Variants in TBC1D31 observed in about 807,000 individuals in gnomAD.
TBC1D31 encodes the protein WD repeat domain 67.
TBC1D31 carries 99 observed loss-of-function variants against 132.9 expected under a neutral mutation model. The ratio of observed to expected loss-of-function variants is 0.74; its 90% CI spans 0.63 to 0.88. The LOEUF (loss-of-function observed/expected upper bound fraction) is 0.88. Ranked by LOEUF, TBC1D31 falls within the 40% of genes least tolerant of loss-of-function variation. TBC1D31 has a pLI of 0.00. For synonymous variants in TBC1D31, 385 were observed against 419.4 expected (o/e 0.92, Z 1.00); for missense variants, 1,134 against 1,256.6 (o/e 0.90, Z 1.48).
intron 1 of TBC1D31, among the ~76,000 whole-genome samples, chr8:123,075,554 T>C (rs1814419195): frequency 6.6e-6 from 1 of 151,980 alleles, no homozygotes; most frequent in South Asian, 2.1e-4. Flanking sequence ...ATACAAAAAA[T>C]TAGCTGGGCA....
At chr8:123,118,879 A>G (rs1484802994) in intron 10 of TBC1D31, among the ~76,000 whole-genome samples, 1 of 152,086 alleles carries the variant, frequency 6.6e-6, no homozygotes, top group Non-Finnish European at 1.5e-5. Flanking sequence ...GTGTGCCACC[A>G]CACCTGGCTA....
At chr8:123,136,178 T>G (rs1821073877) in intron 17 of TBC1D31, among the ~76,000 whole-genome samples, 1 of 152,198 alleles carries the variant, frequency 6.6e-6, no homozygotes, top group Non-Finnish European at 1.5e-5. Flanking sequence ...TATATAAACC[T>G]TATTCAGATT....
chr8:123,121,721 C>A (rs766290240), intron 11 of TBC1D31, among the ~76,000 whole-genome samples: 3 of 152,134 alleles, frequency 2.0e-5, no homozygotes, highest in Non-Finnish European at 2.9e-5. Flanking sequence ...TCAATTCAAC[C>A]CTTTTCTTTA....
rs2130400327 is a variant in TBC1D31, at chr8:123,102,354, C to CCGTGG, written c.1032+1348_1032+1349insGTGGC. The CCGTGG allele has an allele frequency of 2.0e-4, 80 of 393,516 alleles. 1 individual carries two copies. Among genetic ancestry groups the CCGTGG allele is most frequent in the Admixed American group, 7.3e-4 (22 of 30,218 alleles). 24.4% of individuals were successfully genotyped at this position (393,516 alleles called of 1,614,324 possible). ...TTGGGTGCATTTGGAGTGGCGTTTG[C>CCGTGG]CACCTTTTTTTATTCTAAAAAAAAG... On this transcript the variant is annotated intron_variant, in intron 7 of 21. Coordinates refer to ENST00000287380, the MANE Select transcript of TBC1D31 (RefSeq NM_145647.4).
chr8:123,108,437 A>G (rs1475487604), intron 8 of TBC1D31, among the ~76,000 whole-genome samples: 1 of 152,144 alleles, frequency 6.6e-6, no homozygotes, highest in Non-Finnish European at 1.5e-5. Context: ...GAACTCCCAC[A>G]TGTTTTTCTG....
chr8:123,142,458 TA>T lies in TBC1D31; in HGVS notation c.2835+8del. The T allele has an allele frequency of 1.3e-6, 2 of 1,537,028 alleles. No individual in the cohort carries two copies. The highest frequency in any genetic ancestry group is 2.2e-5 in the Admixed American group (1 of 44,804). On this transcript the variant is annotated splice_donor_region_variant and intron_variant, in intron 19 of 21. Coordinates refer to ENST00000287380, the MANE Select transcript of TBC1D31 (RefSeq NM_145647.4). ...ATGGTGGAGGAGGAAGCCAAGAAGG[TA>T]AAAAATAGTGTTATAAACTTTTTAA... is the stretch of plus-strand genomic sequence containing the variant.
chr8:123,126,702 T>G lies in TBC1D31; in HGVS notation c.1884+15T>G, dbSNP rs1781034920. 6.3e-7 allele frequency: 1 copy of G among 1,580,514 alleles called. No homozygotes were observed. Among genetic ancestry groups the G allele is most frequent in the Admixed American group, 1.9e-5 (1 of 52,972 alleles). On this transcript the variant is annotated intron_variant, in intron 13 of 21. Transcript: ENST00000287380. The stretch of plus-strand genomic sequence containing the variant: ...ATGACTTTGAGGTAACGGTCCTTGT[T>G]CTTAAGAGAAGGTTCTCAAATATCA...
chr8:123,087,725 C>T (rs1206802416), intron 4 of TBC1D31, among the ~76,000 whole-genome samples: 1 of 152,138 alleles, frequency 6.6e-6, no homozygotes, highest in African/African-American at 2.4e-5. Context: ...CAACGCAAAC[C>T]TTGCTTGGAC....
intron 19 of TBC1D31, among the ~76,000 whole-genome samples, chr8:123,144,099 T>G (rs1396429030): frequency 6.6e-6 from 1 of 152,240 alleles, no homozygotes; most frequent in Non-Finnish European, 1.5e-5. Flanking sequence ...TTTAATGCAT[T>G]ATTATTTCTA....
At chr8:123,110,048 C>T (rs541159893) in intron 10 of TBC1D31, among the ~76,000 whole-genome samples, 3 of 152,106 alleles carry the variant, frequency 2.0e-5, no homozygotes, top group Admixed American at 6.6e-5. Flanking sequence ...GAGCTGAGAT[C>T]ACGCCATTTT....
At chr8:123,090,419 C>T (rs1184090532) in intron 4 of TBC1D31, among the ~76,000 whole-genome samples, 1 of 152,094 alleles carries the variant, frequency 6.6e-6, no homozygotes, top group African/African-American at 2.4e-5. Flanking sequence ...GTAAGATATT[C>T]AGCTCATTAG....
intron 3 of TBC1D31, 129 bp from the exon 4 acceptor site, chr8:123,084,033 A>T (rs1040406636): frequency 5.5e-6 from 4 of 726,242 alleles, no homozygotes; most frequent in Non-Finnish European, 9.1e-6. Context: ...ATTTTTGTGG[A>T]TATTAATGGA....
At chr8:123,160,795 C>T in the TBC1D31 span, among the ~76,000 whole-genome samples, 1 of 152,172 alleles carries the variant, frequency 6.6e-6, no homozygotes, top group Non-Finnish European at 1.5e-5. Context: ...GGGGGCGGTG[C>T]AGATATTTCG....
downstream of TBC1D31, among the ~76,000 whole-genome samples, chr8:123,154,051 C>A (rs1822929026): frequency 1.3e-5 from 2 of 152,182 alleles, no homozygotes; most frequent in South Asian, 4.1e-4. Flanking sequence ...TATGAATTCT[C>A]CCAGGTTGAG....
intron 5 of TBC1D31, among the ~76,000 whole-genome samples, chr8:123,094,098 T>A (rs1816617837): frequency 6.6e-6 from 1 of 151,998 alleles, no homozygotes; most frequent in Non-Finnish European, 1.5e-5. Context: ...GGAGTCTCAC[T>A]CTGTCACCCA....
intron 20 of TBC1D31, among the ~76,000 whole-genome samples, chr8:123,147,950 AC>A (rs1345899665): frequency 1.3e-5 from 2 of 151,220 alleles, no homozygotes; most frequent in Non-Finnish European, 3.0e-5. Flanking sequence ...ATATGGTGAA[AC>A]CCCCGTCTCT....
intron 7 of TBC1D31, among the ~76,000 whole-genome samples, chr8:123,101,559 C>T (rs60644151): frequency 0.31 from 46,990 of 151,788 alleles, 7,389 homozygotes; most frequent in African/African-American, 0.36. Flanking sequence ...GGATTACAGG[C>T]GCACGCCACC....
Position 123,085,165 on chromosome 8 carries a change from AG to A in TBC1D31, c.519+829del, listed in dbSNP as rs1815600336. On this transcript the variant is annotated intron_variant, in intron 4 of 21. Coordinates refer to ENST00000287380, the MANE Select transcript of TBC1D31 (RefSeq NM_145647.4). The stretch of plus-strand genomic sequence containing the variant: ...TACTTAAGCCTGTACTTAATTAACT[AG>A]GGGTCAATATTTGTTGATTTAAAAT... 3.9e-5 allele frequency among the ~76,000 whole-genome samples: 6 copies of A among 152,332 alleles called. No individual in the cohort carries two copies. The South Asian group carries it at 1.2e-3, about 32-fold the overall frequency.
At chr8:123,161,739 C>T in the TBC1D31 span, among the ~76,000 whole-genome samples, 27 of 151,976 alleles carry the variant, frequency 1.8e-4, no homozygotes, top group Non-Finnish European at 3.4e-4. Flanking sequence ...CCAATGGGCC[C>T]GGTGCATTGG....
Sources: gnomAD v4.1 joint callset for allele counts (sites outside exome capture counted in the v4.1 genomes callset) on GRCh38, gnomAD v4.1.1 for gene constraint, MANE v1.5 for transcripts, NCBI Gene and HGNC (gene_info 2026-07-23, HGNC 2026-07-21) for gene names.